ZFHX3: variants seen among roughly 807,000 people sequenced by gnomAD.
The protein encoded by ZFHX3 is zinc finger homeobox 3.
A neutral mutation model predicts 279.1 loss-of-function variants in ZFHX3; 42 were observed. The ratio of observed to expected loss-of-function variants is 0.15; its 90% CI spans 0.12 to 0.19. ZFHX3 has a LOEUF of 0.19. Ranked by LOEUF, ZFHX3 falls within the 10% of genes least tolerant of loss-of-function variation. ZFHX3 has a pLI of 1.00. For missense variants in ZFHX3, 4,981 were observed against 4,754.0 expected, an observed-to-expected ratio of 1.05 and a Z score of -1.40; for synonymous variants, 2,293 against 1,957.8, an observed-to-expected ratio of 1.17 and a Z score of -4.52.
chr16:73,539,030 G>A (rs1006009153), intron 2 of ZFHX3, among the ~76,000 whole-genome samples: 4 of 152,132 alleles, frequency 2.6e-5, no homozygotes, highest in Non-Finnish European at 5.9e-5. Flanking sequence ...GATCCAGAGA[G>A]GGAAGATTGT....
chr16:73,566,803 G>C (rs868409752), intron 2 of ZFHX3, among the ~76,000 whole-genome samples: 40 of 151,094 alleles, frequency 2.6e-4, no homozygotes, highest in African/African-American at 8.5e-4. Context: ...GGTTCAAGCA[G>C]TTCTCCTGCC....
At chr16:73,124,836 G>A (rs1417228117) in intron 7 of ZFHX3, among the ~76,000 whole-genome samples, 1 of 152,158 alleles carries the variant, frequency 6.6e-6, no homozygotes, top group Admixed American at 6.5e-5. Flanking sequence ...TGCTTAACAG[G>A]ACCCATAACC....
chr16:73,712,297 C>T (rs891174899), intron 1 of ZFHX3, among the ~76,000 whole-genome samples: 2 of 152,196 alleles, frequency 1.3e-5, no homozygotes, highest in Non-Finnish European at 2.9e-5. Flanking sequence ...CTGCCTGCCT[C>T]CTCGTCAGAT....
chr16:73,879,285 A>G (rs559601068), intron 1 of ZFHX3, among the ~76,000 whole-genome samples: 35 of 136,826 alleles, frequency 2.6e-4, no homozygotes, highest in South Asian at 1.2e-3. Flanking sequence ...GCAGGTGGAG[A>G]AAAAAAAAAA....
At chr16:73,866,453 A>G (rs561767217) in intron 1 of ZFHX3, among the ~76,000 whole-genome samples, 5 of 151,488 alleles carry the variant, frequency 3.3e-5, no homozygotes, top group Admixed American at 6.6e-5. Flanking sequence ...ATGAGCCACC[A>G]CCCCCGGAAG....
At position 73,139,426 on chromosome 16, in the gene ZFHX3, A is replaced by T. The variant is rs141126356; in HGVS notation, c.-1024+4326T>A. Among the ~76,000 whole-genome samples the T allele has an allele frequency of 5.4e-3, 830 of 152,362 alleles. 4 individuals are homozygous for T. Among genetic ancestry groups the T allele is most frequent in the Middle Eastern group, 0.014 (4 of 294 alleles). ...CTTCTGGGTGGTGGAATTTTTGGCG[A>T]TTTTAATTTTTATGCTTTGATAAAT... On this transcript the variant is annotated intron_variant, in intron 6 of 17. Transcript: ENST00000641206.
At chr16:72,816,267 G>A (rs1271645259) in intron 5 of ZFHX3, among the ~76,000 whole-genome samples, 1 of 152,066 alleles carries the variant, frequency 6.6e-6, no homozygotes, top group Non-Finnish European at 1.5e-5. Flanking sequence ...TACTTTGCTG[G>A]TAAAAGCAAG....
At chr16:73,039,994 G>A (rs984593284) in intron 1 of ZFHX3, among the ~76,000 whole-genome samples, 2 of 152,196 alleles carry the variant, frequency 1.3e-5, no homozygotes, top group Admixed American at 6.5e-5. Flanking sequence ...TCGCTTTGTC[G>A]CCAGACTGGG....
intron 7 of ZFHX3, among the ~76,000 whole-genome samples, chr16:73,121,982 T>C (rs911951800): frequency 3.3e-5 from 5 of 152,182 alleles, no homozygotes; most frequent in Non-Finnish European, 7.3e-5. Flanking sequence ...AACCTATTCA[T>C]ATTAATTATA....
At chr16:72,882,715 T>C (rs1032509857) in intron 4 of ZFHX3, among the ~76,000 whole-genome samples, 3 of 152,138 alleles carry the variant, frequency 2.0e-5, no homozygotes, top group African/African-American at 4.8e-5. Context: ...ATCATTAGCA[T>C]ATTTTGCAGA....
At chr16:73,539,395 T>C (rs543863850) in intron 2 of ZFHX3, among the ~76,000 whole-genome samples, 2 of 150,856 alleles carry the variant, frequency 1.3e-5, no homozygotes, top group Non-Finnish European at 3.0e-5. Context: ...TATGGCTGCT[T>C]CTTCTCTTTT....
chr16:73,383,797 T>C (rs1267024878), intron 3 of ZFHX3, among the ~76,000 whole-genome samples: 1 of 152,188 alleles, frequency 6.6e-6, no homozygotes, highest in East Asian at 1.9e-4. Context: ...CCCAGGGAGA[T>C]GGGCACAATG....
At chr16:73,351,562 C>T (rs558480811) in intron 3 of ZFHX3, among the ~76,000 whole-genome samples, 15 of 152,294 alleles carry the variant, frequency 9.8e-5, no homozygotes, top group Admixed American at 3.9e-4. Flanking sequence ...ATTTAAAGAG[C>T]GATGGGGATT....
chr16:73,877,048 A>C (rs968641172), intron 1 of ZFHX3, among the ~76,000 whole-genome samples: 8 of 152,158 alleles, frequency 5.3e-5, no homozygotes, highest in Middle Eastern at 3.4e-3. Context: ...CAAAAAAAAA[A>C]AACAACAACA....
intron 1 of ZFHX3, among the ~76,000 whole-genome samples, chr16:73,788,072 C>T (rs1040812997): frequency 6.6e-6 from 1 of 151,936 alleles, no homozygotes; most frequent in Non-Finnish European, 1.5e-5. Flanking sequence ...AACATGGTGC[C>T]CTCACCACCG....
At chr16:73,475,014 A>G (rs148666112) in intron 2 of ZFHX3, among the ~76,000 whole-genome samples, 39 of 152,256 alleles carry the variant, frequency 2.6e-4, no homozygotes, top group African/African-American at 8.7e-4. Flanking sequence ...TCAGGGATTC[A>G]CTACTGTCTC....
At chr16:73,775,270 T>C (rs1959220465) in intron 1 of ZFHX3, among the ~76,000 whole-genome samples, 1 of 152,230 alleles carries the variant, frequency 6.6e-6, no homozygotes, top group Admixed American at 6.5e-5. Flanking sequence ...CTTTTCCTTC[T>C]TCCTATTAAA....
At chr16:72,939,214 G>A (rs770599694) in intron 3 of ZFHX3, among the ~76,000 whole-genome samples, 1 of 152,112 alleles carries the variant, frequency 6.6e-6, no homozygotes, top group Non-Finnish European at 1.5e-5. Context: ...AGCTGGGGAC[G>A]AGCCAGTGGG....
chr16:72,998,899 C>T (rs1375513736), intron 1 of ZFHX3, among the ~76,000 whole-genome samples: 1 of 152,202 alleles, frequency 6.6e-6, no homozygotes, highest in Non-Finnish European at 1.5e-5. Flanking sequence ...GGGGCTTGTC[C>T]ACCATTAAAC....
Sources: allele counts gnomAD v4.1 joint callset (sites outside exome capture counted in the v4.1 genomes callset), GRCh38; gene constraint gnomAD v4.1.1; transcripts MANE v1.5; gene names NCBI Gene and HGNC (gene_info 2026-07-23, HGNC 2026-07-21).